OTOG: variants seen among roughly 807,000 people sequenced by gnomAD.
OTOG encodes otogelin.
A neutral mutation model predicts 313.8 loss-of-function variants in OTOG; 296 were observed. The ratio of observed to expected loss-of-function variants is 0.94; its 90% confidence interval spans 0.86 to 1.04. The LOEUF (loss-of-function observed/expected upper bound fraction) is 1.04, where lower values mean the gene tolerates loss of function less well. Among genes scored for constraint, OTOG ranks in the 50% least tolerant of loss-of-function variants. The pLI is 0.00. For synonymous variants in OTOG, 1,533 were observed against 1,554.9 expected (o/e 0.99, Z 0.33); for missense variants, 3,948 against 3,840.1 (o/e 1.03, Z -0.74).
rs1366910530 is a variant in OTOG at position 17,593,693 on chromosome 11, G to A, written c.3225G>A (p.Glu1075=). Residue 1075 remains glutamate, a synonymous_variant, in exon 27 of 56, where the codon GAG becomes GAA. Transcript: ENST00000399397. ...GFFTLVHFPQ[E]HITLLWDQRT... ...TCACACTGGTGCATTTCCCACAGGA[G>A]CACATCACCCTCTTGTGGGACCAGA... The A allele has an allele frequency of 6.5e-7, 1 of 1,548,922 alleles. No individual in the cohort carries two copies. Among genetic ancestry groups the A allele is most frequent in the South Asian group, 1.2e-5 (1 of 83,990 alleles).
At chr11:17,628,117 C>T (rs1854029127) in intron 39 of OTOG, among the ~76,000 whole-genome samples, 1 of 151,670 alleles carries the variant, frequency 6.6e-6, no homozygotes, top group Admixed American at 6.6e-5. Context: ...ATTCGATTTG[C>T]TCTTGCTTTT....
Position 17,612,225 on chromosome 11 carries a change from C to T in OTOG, c.6187C>T (p.Gln2063Ter). 6.5e-7 allele frequency: 1 copy of T among 1,549,194 alleles called. No homozygotes were observed. Among genetic ancestry groups the T allele is most frequent in the Non-Finnish European group, 8.7e-7 (1 of 1,146,994 alleles). ...GGAGGGCCAGCTGATTCGCGTGAAT[C>T]AGTCCCAGCACTGTCCCCAGGGTGC... ...CLEGQLIRVN[Q>*]SQHCPQGAAP... Residue 2063 changes from glutamine (Q) to a stop codon, truncating the protein, a stop_gained, in exon 37 of 56, where the codon CAG becomes TAG. Coordinates refer to ENST00000399397, the MANE Select transcript of OTOG (RefSeq NM_001292063.2). LOFTEE classifies it high-confidence loss of function.
intron 54 of OTOG, 30 bp downstream of exon 54, chr11:17,643,536 G>T: frequency 7.2e-7 from 1 of 1,394,252 alleles, no homozygotes; most frequent in Non-Finnish European, 9.4e-7. Context: ...GCCCAGGGGT[G>T]GGGGGCTCTG....
chr11:17,599,496 T>G (rs1289576427), intron 30 of OTOG, among the ~76,000 whole-genome samples, 175 bp from the exon 31 acceptor site: 1 of 152,162 alleles, frequency 6.6e-6, no homozygotes, highest in Non-Finnish European at 1.5e-5. Flanking sequence ...CCATTCTCTT[T>G]CCTCCACTTA....
rs992759377 is a variant in OTOG at position 17,641,007 on chromosome 11, C to T, written c.8106C>T (p.Ser2702=). The T allele has an allele frequency of 1.3e-6, 2 of 1,548,376 alleles. No individual in the cohort carries two copies. The highest frequency in any genetic ancestry group is 2.7e-5 in the African/African-American group (2 of 73,028). ...CAGCAGATGGCGTGTGCCACACCTC[C>T]CGCTGCACCACCGTGCTCGACCCTC... is the stretch of plus-strand genomic sequence containing the variant. ...ELSADGVCHT[S]RCTTVLDPLT... is the part of the protein sequence containing the mutation. The change falls in exon 51 of 56, where the codon TCC becomes TCT. Residue 2702 remains serine, a synonymous_variant. Transcript: ENST00000399397.
rs963111231 is a variant in OTOG, at chr11:17,572,190, T to A, written c.2066T>A (p.Val689Glu). ...VSGSPLDPCD[V>E]HLQAASYSVQ... ...GGCTCCCCTCTGGACCCCTGCGATG[T>A]GCACCTGCAAGCCGGTGAGTTGGTG... Residue 689 changes from valine (V) to glutamate (E), a missense_variant, in exon 18 of 56, where the codon GTG becomes GAG. Coordinates refer to ENST00000399397, the MANE Select transcript of OTOG (RefSeq NM_001292063.2). The A allele has an allele frequency of 2.6e-6, 4 of 1,550,268 alleles. No individual in the cohort carries two copies. Among genetic ancestry groups the A allele is most frequent in the Non-Finnish European group, 3.5e-6 (4 of 1,146,890 alleles).
intron 41 of OTOG, 34 bp downstream of exon 41, chr11:17,631,956 C>A (rs945880683): frequency 6.5e-7 from 1 of 1,545,752 alleles, no homozygotes. Flanking sequence ...CTGGGGACAC[C>A]TCCTGGGCTG....
chr11:17,557,382 C>T, intron 8 of OTOG, 59 bp downstream of exon 8: 1 of 1,489,806 alleles, frequency 6.7e-7, no homozygotes, highest in Non-Finnish European at 9.1e-7. Flanking sequence ...ACAGGTCAGG[C>T]TGGGAGGGGT....
intron 7 of OTOG, among the ~76,000 whole-genome samples, chr11:17,556,877 T>C (rs982931819): frequency 3.3e-5 from 5 of 152,220 alleles, no homozygotes; most frequent in Admixed American, 6.5e-5. Flanking sequence ...AGAAAGGAAC[T>C]TGGAGTCACT....
At position 17,569,169 on chromosome 11, in the gene OTOG, C is replaced by T; in HGVS notation, c.1658C>T (p.Ala553Val). Reference protein sequence around the residue: ...NAPCGLNQDGACVQSVSVILH... With the variant: ...NAPCGLNQDGVCVQSVSVILH... ...CTATCTCTCCAGAACCAAGATGGAGCCTGTGTCCAGTCAGTGTCAGTGATT... is the reference window on the plus strand; with the variant it reads ...CTATCTCTCCAGAACCAAGATGGAGTCTGTGTCCAGTCAGTGTCAGTGATT... The change falls in exon 16 of 56, where the codon GCC (alanine) becomes GTC (valine). Residue 553 changes from alanine to valine, a missense_variant. Coordinates refer to ENST00000399397, the MANE Select transcript of OTOG (RefSeq NM_001292063.2). The T allele has an allele frequency of 3.9e-6, 6 of 1,550,648 alleles. No individual in the cohort carries two copies. Among genetic ancestry groups the T allele is most frequent in the Non-Finnish European group, 5.2e-6 (6 of 1,147,018 alleles).
chr11:17,612,884 C>A, intron 38 of OTOG, 119 bp downstream of exon 38: 2 of 1,221,720 alleles, frequency 1.6e-6, no homozygotes, highest in Non-Finnish European at 2.2e-6. Flanking sequence ...CCCCCCTGAG[C>A]TCCCTCTGTC....
At chr11:17,559,211 C>T (rs1341514312) in intron 11 of OTOG, 50 bp downstream of exon 11, 2 of 1,312,302 alleles carry the variant, frequency 1.5e-6, no homozygotes, top group Non-Finnish European at 2.1e-6. Context: ...CTGTGGGTGG[C>T]ATTCTCAGGC....
At position 17,560,745 on chromosome 11, in the gene OTOG, C is replaced by G. The variant is rs1852161729; in HGVS notation, c.1379C>G (p.Ala460Gly). The G allele has an allele frequency of 1.9e-6, 3 of 1,550,660 alleles. No individual in the cohort carries two copies. In the African/African-American group the frequency reaches 4.1e-5, roughly 21 times the overall value. Residue 460 changes from alanine to glycine, a missense_variant, in exon 13 of 56, where the codon GCT becomes GGT. Ala to Gly is a moderately conservative substitution (Grantham distance 60). Transcript: ENST00000399397. The stretch of plus-strand genomic sequence containing the variant: ...GAGGATGGGGGCTGCGTGGCACCAG[C>G]TGAGTGTCCCTGTGAGTTTCACGGG... ...IFEDGGCVAP[A>G]ECPCEFHGTL...
rs767373345 is a variant in OTOG at position 17,645,856 on chromosome 11, G to A, written c.8654G>A (p.Arg2885His). 7.7e-5 allele frequency: 120 copies of A among 1,550,666 alleles called. No homozygotes were observed. Among genetic ancestry groups the A allele is most frequent in the Middle Eastern group, 3.3e-4 (2 of 6,012 alleles). Residue 2885 changes from arginine (R) to histidine (H), a missense_variant, in exon 56 of 56, where the codon CGC (arginine) becomes CAC (histidine). Transcript: ENST00000399397. ...KCCREVGLQR[R>H]SVQLFCATNA... ...TGCCGTGAGGTGGGCCTGCAGCGGC[G>A]CTCTGTGCAGCTCTTCTGTGCCACC... is the stretch of plus-strand genomic sequence containing the variant.
Position 17,611,224 on chromosome 11 carries a change from C to A in OTOG, c.5924C>A (p.Pro1975His), listed in dbSNP as rs762224726. 3.9e-6 allele frequency: 6 copies of A among 1,550,464 alleles called. No homozygotes were observed. In the East Asian group the frequency reaches 1.5e-4, roughly 38 times the overall value. The stretch of plus-strand genomic sequence containing the variant: ...AGCCGTGTCTCAGCCAGGACGGCCC[C>A]CCAAGACAGCATGCTGGTTCTGTTG... ...ALSRVSARTA[P>H]QDSMLVLLPQ... The change falls in exon 36 of 56, where the codon CCC becomes CAC. Residue 1975 changes from proline to histidine, a missense_variant. Physicochemically the swap from Pro to His is moderately conservative, Grantham distance 77. Coordinates refer to ENST00000399397, the MANE Select transcript of OTOG (RefSeq NM_001292063.2).
In OTOG at chr11:17,573,229, C is replaced by T. The variant is rs946378259; in HGVS notation, c.2232C>T (p.Tyr744=). ...GCCTGTGCGCCACACTGGCCCACTA[C>T]GCCCACCTGTGCCGGCGCCATGGGC... ...QPCLCATLAH[Y]AHLCRRHGLP... is the part of the protein sequence containing the mutation. Residue 744 remains tyrosine, a synonymous_variant, in exon 19 of 56, where the codon TAC becomes TAT. Coordinates refer to ENST00000399397, the MANE Select transcript of OTOG (RefSeq NM_001292063.2). 56 of 1,535,672 alleles carry T rather than the reference C, an allele frequency of 3.6e-5. No individual in the cohort carries two copies. The highest frequency in any genetic ancestry group is 4.3e-5 in the Non-Finnish European group (49 of 1,145,916).
At chr11:17,599,398 T>A (rs1853189520) in intron 30 of OTOG, among the ~76,000 whole-genome samples, 1 of 152,208 alleles carries the variant, frequency 6.6e-6, no homozygotes, top group Admixed American at 6.5e-5. Context: ...TTTTCAACAT[T>A]CATTCGTTTG....
chr11:17,550,957 G>T (rs1471574461), intron 3 of OTOG, among the ~76,000 whole-genome samples: 2 of 152,268 alleles, frequency 1.3e-5, no homozygotes, highest in Non-Finnish European at 2.9e-5. Flanking sequence ...AGCTGGGGTT[G>T]GCTCCAGGGA....
At chr11:17,635,539 C>G (rs986179183) in intron 46 of OTOG, 71 bp from the exon 47 acceptor site, 1 of 1,272,074 alleles carries the variant, frequency 7.9e-7, no homozygotes, top group African/African-American at 1.5e-5. Flanking sequence ...GGCCCCACCC[C>G]CAGCAACGTG....
Sources: allele counts gnomAD v4.1 joint callset (sites outside exome capture counted in the v4.1 genomes callset), GRCh38; gene constraint gnomAD v4.1.1; transcripts MANE v1.5; gene names NCBI Gene and HGNC (gene_info 2026-07-23, HGNC 2026-07-21).